The following OR2M3 variants were observed in gnomAD, a reference collection of about 807,000 sequenced individuals.
OR2M3 encodes the protein olfactory receptor 2M3.
A neutral mutation model predicts 4.3 loss-of-function variants in OR2M3; 1 was observed. That is an observed-to-expected ratio of 0.23 (90% CI 0.08 to 1.11). The LOEUF (loss-of-function observed/expected upper bound fraction) is 1.11, where lower values mean the gene tolerates loss of function less well. OR2M3 is among the 50% of genes most tolerant of loss of function. The pLI, the probability that OR2M3 is intolerant of heterozygous loss-of-function variation, is 0.54. For missense variants in OR2M3, 410 were observed against 390.4 expected, an observed-to-expected ratio of 1.05 and a Z score of -0.42; for synonymous variants, 151 against 139.4, an observed-to-expected ratio of 1.08 and a Z score of -0.59.
intron 1 of OR2M3, among the ~76,000 whole-genome samples, chr1:248,200,529 C>T (rs997189960): frequency 1.3e-5 from 2 of 152,108 alleles, no homozygotes; most frequent in Non-Finnish European, 2.9e-5. Flanking sequence ...TCAGCTTTAT[C>T]CAACTTCTTG....
chr1:248,199,176 A>G (rs1305681914), intron 1 of OR2M3, among the ~76,000 whole-genome samples: 2 of 152,158 alleles, frequency 1.3e-5, no homozygotes, highest in Admixed American at 1.3e-4. Flanking sequence ...TGGAAGCACA[A>G]TATTACAATT....
intron 1 of OR2M3, 46 bp downstream of exon 1, chr1:248,197,347 A>T (rs1666108308): frequency 1.3e-5 from 2 of 152,170 alleles, no homozygotes; most frequent in African/African-American, 4.8e-5. Flanking sequence ...ATGACTTTGT[A>T]TAAGCTAGTG....
chr1:248,197,646 G>C (rs1666111496), intron 1 of OR2M3, among the ~76,000 whole-genome samples: 1 of 152,030 alleles, frequency 6.6e-6, no homozygotes, highest in South Asian at 2.1e-4. Flanking sequence ...CATAAACAAT[G>C]ATTTGAAAAT....
chr1:248,207,017 T>G lies in OR2M3; in HGVS notation c.*3011T>G, dbSNP rs1666230310. The G allele has an allele frequency of 6.6e-6, 1 of 152,022 alleles. No homozygotes were observed. The highest frequency in any genetic ancestry group is 1.9e-4 in the East Asian group (1 of 5,198). 9.4% of individuals were successfully genotyped at this position (152,022 alleles called of 1,614,324 possible). ...TACTGGTCTGATCAGAGATTCTATA[T>G]CTTCCTTTTTTAATCCAGGAGGGTT... On this transcript the variant is annotated 3_prime_UTR_variant, in exon 2 of 2. Transcript: ENST00000641626.
chr1:248,199,142 T>C (rs562807479), intron 1 of OR2M3, among the ~76,000 whole-genome samples: 7 of 148,664 alleles, frequency 4.7e-5, no homozygotes, highest in East Asian at 3.9e-4. Context: ...AGAAACATAG[T>C]AGATTAGATG....
At chr1:248,200,228 A>C (rs1558251910) in intron 1 of OR2M3, among the ~76,000 whole-genome samples, 1 of 152,156 alleles carries the variant, frequency 6.6e-6, no homozygotes. Context: ...GTATTACAAC[A>C]GTTGACAACT....
Position 248,203,649 on chromosome 1 carries a change from A to G in OR2M3, c.582A>G (p.Ile194Met). The G allele has an allele frequency of 5.0e-6, 8 of 1,613,844 alleles. No homozygotes were observed. The highest frequency in any genetic ancestry group is 6.8e-6 in the Non-Finnish European group (8 of 1,179,810). The change falls in exon 2 of 2, where the codon ATA (isoleucine) becomes ATG (methionine). Residue 194 changes from isoleucine to methionine, a missense_variant. By Grantham distance (10) the Ile-to-Met change is conservative. Transcript: ENST00000641626. Reference protein sequence around the residue: ...LLILSCSDTSIFEKILFICCI... With the variant: ...LLILSCSDTSMFEKILFICCI... Reference sequence around the variant, plus strand: ...TCCTCTCATGCAGTGACACATCAATATTTGAAAAGATTCTTTTCATCTGCT... The same window carrying G: ...TCCTCTCATGCAGTGACACATCAATGTTTGAAAAGATTCTTTTCATCTGCT...
chr1:248,198,444 T>C (rs1170752768), intron 1 of OR2M3, among the ~76,000 whole-genome samples: 1 of 152,192 alleles, frequency 6.6e-6, no homozygotes, highest in African/African-American at 2.4e-5. Flanking sequence ...ATATTACATA[T>C]AAAGTTGCTA....
rs138886689 is a variant in OR2M3, at chr1:248,203,237, C to A, written c.170C>A (p.Thr57Asn). The stretch of plus-strand genomic sequence containing the variant: ...ATCTACCTGGACACCCAGCTCCACA[C>A]CCCCATGTACCTCCTCCTCAGCCAA... ...LLIYLDTQLH[T>N]PMYLLLSQLS... The change falls in exon 2 of 2, where the codon ACC (threonine) becomes AAC (asparagine). Residue 57 changes from threonine to asparagine, a missense_variant. Coordinates refer to ENST00000641626, the MANE Select transcript of OR2M3 (RefSeq NM_001004689.2). The A allele has an allele frequency of 4.3e-6, 7 of 1,613,934 alleles. No homozygotes were observed. In the East Asian group the frequency reaches 6.7e-5, roughly 15 times the overall value.
At position 248,211,912 on chromosome 1, in the gene OR2M3, T is replaced by G. The variant is rs187472173; in HGVS notation, c.*7906T>G. On this transcript the variant is annotated 3_prime_UTR_variant, in exon 2 of 2. Coordinates refer to ENST00000641626, the MANE Select transcript of OR2M3 (RefSeq NM_001004689.2). ...AGTTGCACAGGCTTTATTTATATTA[T>G]TGATTCACAAGAGAATCAAATTTTT... The G allele has an allele frequency of 3.9e-5, 6 of 152,204 alleles. No individual in the cohort carries two copies. Among genetic ancestry groups the G allele is most frequent in the Admixed American group, 3.9e-4 (6 of 15,282 alleles). 9.4% of individuals were successfully genotyped at this position (152,204 alleles called of 1,614,324 possible).
Position 248,212,160 on chromosome 1 carries a change from G to C in OR2M3, c.*8154G>C, listed in dbSNP as rs950527220. 6.6e-6 allele frequency: 1 copy of C among 152,060 alleles called. No homozygotes were observed. The highest frequency in any genetic ancestry group is 1.5e-5 in the Non-Finnish European group (1 of 67,982). 9.4% of individuals were successfully genotyped at this position (152,060 alleles called of 1,614,324 possible). On this transcript the variant is annotated 3_prime_UTR_variant, in exon 2 of 2. Transcript: ENST00000641626. The stretch of plus-strand genomic sequence containing the variant: ...TTTATTACATGACTACAGTACATGT[G>C]CCTTACCTTGAAATAAATAGTGAAA...
At chr1:248,199,982 A>G (rs778796563) in intron 1 of OR2M3, among the ~76,000 whole-genome samples, 2 of 152,158 alleles carry the variant, frequency 1.3e-5, no homozygotes, top group Non-Finnish European at 2.9e-5. Context: ...AGTTTAAAAC[A>G]TATGTGGTGG....
At chr1:248,201,315 G>A (rs1026083215) in intron 1 of OR2M3, among the ~76,000 whole-genome samples, 15 of 151,932 alleles carry the variant, frequency 9.9e-5, no homozygotes, top group African/African-American at 3.4e-4. Context: ...CTTCCTCAGT[G>A]TCTTTGCCAA....
rs866684227 is a variant in OR2M3, at chr1:248,211,210, T to C, written c.*7204T>C. The stretch of plus-strand genomic sequence containing the variant: ...TTGGGGGGACTCTTGGAGATGCTGC[T>C]GTGACTTCAACCCAGGTGACATCTT... On this transcript the variant is annotated 3_prime_UTR_variant, in exon 2 of 2. Transcript: ENST00000641626. 2 of 152,138 alleles carry C rather than the reference T, an allele frequency of 1.3e-5. No homozygotes were observed. Among genetic ancestry groups the C allele is most frequent in the Non-Finnish European group, 2.9e-5 (2 of 68,024 alleles). The allele number at this position is 152,138 out of a possible 1,614,324, so 9.4% of individuals were successfully genotyped here.
chr1:248,202,122 A>C (rs1666164331), intron 1 of OR2M3, among the ~76,000 whole-genome samples: 1 of 152,206 alleles, frequency 6.6e-6, no homozygotes, highest in Non-Finnish European at 1.5e-5. Flanking sequence ...TAGAAATCTG[A>C]AATCAAGATG....
chr1:248,205,928 A>G lies in OR2M3; in HGVS notation c.*1922A>G, dbSNP rs1666219510. On this transcript the variant is annotated 3_prime_UTR_variant, in exon 2 of 2. Transcript: ENST00000641626. ...GTTTCTACCCATCCATGAGTATGGG[A>G]TGTATTTCCATTTATTTGTGTTGTC... is the stretch of plus-strand genomic sequence containing the variant. The G allele has an allele frequency of 6.6e-6, 1 of 152,130 alleles. No homozygotes were observed. Among genetic ancestry groups the G allele is most frequent in the African/African-American group, 2.4e-5 (1 of 41,508 alleles). The allele number at this position is 152,130 out of a possible 1,614,324, so 9.4% of individuals were successfully genotyped here.
chr1:248,203,238 C>T lies in OR2M3; in HGVS notation c.171C>T (p.Thr57=). The part of the protein sequence containing the change: ...LLIYLDTQLH[T]PMYLLLSQLS... ...TCTACCTGGACACCCAGCTCCACACCCCCATGTACCTCCTCCTCAGCCAAC... is the reference window on the plus strand; with the variant it reads ...TCTACCTGGACACCCAGCTCCACACTCCCATGTACCTCCTCCTCAGCCAAC... The change falls in exon 2 of 2, where the codon ACC becomes ACT. Residue 57 remains threonine (T), a synonymous_variant. Coordinates refer to ENST00000641626, the MANE Select transcript of OR2M3 (RefSeq NM_001004689.2). 1 of 1,614,032 alleles carries T rather than the reference C, an allele frequency of 6.2e-7. No individual in the cohort carries two copies. The highest frequency in any genetic ancestry group is 8.5e-7 in the Non-Finnish European group (1 of 1,179,994).
intron 1 of OR2M3, among the ~76,000 whole-genome samples, chr1:248,202,068 T>TGATGCCAA (rs1237867435): frequency 6.6e-6 from 1 of 152,170 alleles, no homozygotes; most frequent in African/African-American, 2.4e-5. Flanking sequence ...CACAAACTGG[T>TGATGCCAA]TACCTAAAAC....
chr1:248,203,080 A>T lies in OR2M3; in HGVS notation c.13A>T (p.Asn5Tyr). 6.2e-7 allele frequency: 1 copy of T among 1,612,742 alleles called. No individual in the cohort carries two copies. The highest frequency in any genetic ancestry group is 8.5e-7 in the Non-Finnish European group (1 of 1,179,354). Residue 5 changes from asparagine (N) to tyrosine (Y), a missense_variant, in exon 2 of 2, where the codon AAT becomes TAT. By Grantham distance (143) the Asn-to-Tyr change is moderately radical. Coordinates refer to ENST00000641626, the MANE Select transcript of OR2M3 (RefSeq NM_001004689.2). ...AAGCATACACATCATGGCAAGGGAG[A>T]ATTCGACCTTCAACTCCGACTTCAT... MARE[N>Y]STFNSDFILL...
Sources: allele counts gnomAD v4.1 joint callset (sites outside exome capture counted in the v4.1 genomes callset), GRCh38; gene constraint gnomAD v4.1.1; transcripts MANE v1.5; gene names NCBI Gene and HGNC (gene_info 2026-07-23, HGNC 2026-07-21).